FAM135A: variants seen among roughly 807,000 people sequenced by gnomAD.
FAM135A encodes family with sequence similarity 135 member A.
Under a neutral mutation model 146.8 loss-of-function variants are expected in FAM135A, and 79 were observed. The observed-to-expected ratio is 0.54, with a 90% CI of 0.45 to 0.65. FAM135A has a LOEUF of 0.65. FAM135A is among the 30% of genes least tolerant of loss of function. The pLI, the probability that FAM135A is intolerant of heterozygous loss-of-function variation, is 0.00. For missense variants in FAM135A, 1,623 were observed against 1,758.2 expected (o/e 0.92, Z 1.38); for synonymous variants, 562 against 603.6 (o/e 0.93, Z 1.01).
intron 11 of FAM135A, among the ~76,000 whole-genome samples, chr6:70,494,085 A>G (rs1582530747): frequency 6.6e-6 from 1 of 151,686 alleles, no homozygotes; most frequent in East Asian, 1.9e-4. Flanking sequence ...GATGTTTTAA[A>G]CAAGTGTTTG....
intron 20 of FAM135A, among the ~76,000 whole-genome samples, chr6:70,555,792 CT>C (rs1261689812): frequency 6.6e-6 from 1 of 151,798 alleles, no homozygotes; most frequent in South Asian, 2.1e-4. Context: ...GTTCAATTAA[CT>C]TCTATAATAG....
intron 20 of FAM135A, among the ~76,000 whole-genome samples, chr6:70,545,336 G>A (rs1798667897): frequency 6.6e-6 from 1 of 152,056 alleles, no homozygotes; most frequent in Admixed American, 6.6e-5. Context: ...TTTCTGGCTG[G>A]GCACGGTGGC....
chr6:70,490,885 AAT>A (rs1398832746), intron 10 of FAM135A, 147 bp from the exon 11 acceptor site: 6 of 458,594 alleles, frequency 1.3e-5, no homozygotes, highest in South Asian at 5.6e-5. Context: ...CTATGTAATT[AAT>A]ATGTTTATGA....
intron 12 of FAM135A, 115 bp downstream of exon 12, chr6:70,502,906 C>A: frequency 9.3e-7 from 1 of 1,072,192 alleles, no homozygotes; most frequent in Admixed American, 2.5e-5. Context: ...AGAAAAGAGA[C>A]ATTTGTCATA....
chr6:70,499,678 A>G (rs903093033), intron 11 of FAM135A, among the ~76,000 whole-genome samples: 2 of 151,962 alleles, frequency 1.3e-5, no homozygotes, highest in Non-Finnish European at 2.9e-5. Context: ...AGTCCTGGTG[A>G]CAAAATCCCT....
chr6:70,524,534 A>AC lies in FAM135A; in HGVS notation c.1450_1451insC (p.Asn484ThrfsTer2). ...GCTAACAAAATCTCTAAAAGGAAAG[A>AC]ATGAAGAATCAAATAAATCCAAAGT... is the stretch of plus-strand genomic sequence containing the variant. On this transcript the variant is annotated frameshift_variant, in exon 15 of 22. Coordinates refer to ENST00000418814, the MANE Select transcript of FAM135A (RefSeq NM_001162529.3). LOFTEE classifies it high-confidence loss of function. 6.4e-7 allele frequency: 1 copy of AC among 1,550,780 alleles called. No homozygotes were observed. Among genetic ancestry groups the AC allele is most frequent in the Non-Finnish European group, 8.7e-7 (1 of 1,146,640 alleles).
In FAM135A at chr6:70,510,156, A is replaced by G. The variant is rs189832819; in HGVS notation, c.1029+7365A>G. ...TTGGTCTAATAGCTAGGAAATCAAAACGTTTATTGACAGCACCACCGAAGT... is the reference window on the plus strand; with the variant it reads ...TTGGTCTAATAGCTAGGAAATCAAAGCGTTTATTGACAGCACCACCGAAGT... On this transcript the variant is annotated intron_variant, in intron 12 of 21. Transcript: ENST00000418814. Among the ~76,000 whole-genome samples the G allele has an allele frequency of 4.0e-5, 6 of 150,652 alleles. No homozygotes were observed. The Admixed American group carries it at 4.0e-4, about 10-fold the overall frequency.
At chr6:70,555,395 G>A (rs1800641151) in intron 20 of FAM135A, among the ~76,000 whole-genome samples, 1 of 152,104 alleles carries the variant, frequency 6.6e-6, no homozygotes, top group Non-Finnish European at 1.5e-5. Context: ...CCTCCTGAGT[G>A]AGACTACAGT....
rs1341610806 is a variant in FAM135A at position 70,524,976 on chromosome 6, A to G, written c.1892A>G (p.Glu631Gly). Residue 631 changes from glutamate (E) to glycine (G), a missense_variant, in exon 15 of 22, where the codon GAA becomes GGA. Physicochemically the swap from Glu to Gly is moderately conservative, Grantham distance 98. Transcript: ENST00000418814. ...GACGATAGTGAAATTACACAAATGG[A>G]ACACAATCTGGCATCCAGAAGGTCA... ...SQDDSEITQM[E>G]HNLASRRSSD... 2 of 1,603,884 alleles carry G rather than the reference A, an allele frequency of 1.2e-6. No individual in the cohort carries two copies. The highest frequency in any genetic ancestry group is 1.7e-5 in the Admixed American group (1 of 58,404).
chr6:70,429,867 G>T (rs1246527851), intron 4 of FAM135A, among the ~76,000 whole-genome samples: 1 of 151,734 alleles, frequency 6.6e-6, no homozygotes, highest in Admixed American at 6.6e-5. Flanking sequence ...GTGGCAGTGG[G>T]ACTAACAGAA....
intron 4 of FAM135A, among the ~76,000 whole-genome samples, chr6:70,445,127 G>A (rs1178614712): frequency 1.3e-5 from 2 of 151,700 alleles, no homozygotes; most frequent in African/African-American, 4.9e-5. Context: ...ACAAGGGTGG[G>A]AATACATAAA....
chr6:70,433,049 C>G (rs937158470), intron 4 of FAM135A, among the ~76,000 whole-genome samples: 2 of 150,446 alleles, frequency 1.3e-5, no homozygotes, highest in Admixed American at 1.3e-4. Context: ...CTAGGATGTC[C>G]GTATAATTTA....
intron 5 of FAM135A, among the ~76,000 whole-genome samples, chr6:70,474,564 C>T (rs1271419308): frequency 6.6e-6 from 1 of 152,168 alleles, no homozygotes; most frequent in Non-Finnish European, 1.5e-5. Flanking sequence ...TAGTGCTGTA[C>T]TTATTATTAC....
Position 70,526,587 on chromosome 6 carries a change from ATTC to A in FAM135A, c.3507_3509del (p.Ser1170del). The stretch of plus-strand genomic sequence containing the variant: ...CGAGAGTCTCCTTGTAATGTTAAAT[ATTC>A]TTCCAAAAGTAAATTTGATGCCATT... On this transcript the variant is annotated inframe_deletion, in exon 15 of 22. Transcript: ENST00000418814. 1.9e-6 allele frequency: 3 copies of A among 1,613,620 alleles called. No individual in the cohort carries two copies. The highest frequency in any genetic ancestry group is 1.7e-6 in the Non-Finnish European group (2 of 1,179,670).
intron 12 of FAM135A, among the ~76,000 whole-genome samples, chr6:70,522,103 G>T (rs901697181): frequency 6.6e-6 from 1 of 152,076 alleles, no homozygotes; most frequent in Non-Finnish European, 1.5e-5. Flanking sequence ...TTTTAGTAGA[G>T]ACAGGGTTTC....
At chr6:70,485,431 ATATTCTAAAC>A (rs1784428323) in intron 10 of FAM135A, among the ~76,000 whole-genome samples, 1 of 152,164 alleles carries the variant, frequency 6.6e-6, no homozygotes, top group Non-Finnish European at 1.5e-5. Flanking sequence ...TATTTGTTAC[ATATTCTAAAC>A]TATCAATGTC....
rs944863418 is a variant in FAM135A, at chr6:70,513,098, A to G, written c.1030-9415A>G. 7.3e-5 allele frequency among the ~76,000 whole-genome samples: 11 copies of G among 151,712 alleles called. No homozygotes were observed. In the South Asian group the frequency reaches 1.7e-3, roughly 23 times the overall value. On this transcript the variant is annotated intron_variant, in intron 12 of 21. Transcript: ENST00000418814. Reference sequence around the variant, plus strand: ...TCAATTGACTAATAAGCATGAGTCTATTTCTTGACCTTTTTTCCTGTTGCA... The same window carrying G: ...TCAATTGACTAATAAGCATGAGTCTGTTTCTTGACCTTTTTTCCTGTTGCA...
At chr6:70,545,170 T>G (rs1798634821) in intron 20 of FAM135A, among the ~76,000 whole-genome samples, 1 of 152,164 alleles carries the variant, frequency 6.6e-6, no homozygotes, top group Admixed American at 6.5e-5. Context: ...TAACAGAACT[T>G]TTATCTAAAT....
At position 70,530,969 on chromosome 6, in the gene FAM135A, C is replaced by T. The variant is rs549570477; in HGVS notation, c.3776-2191C>T. ...ACATTAAACCAAAGAAAAATGGATC[C>T]CCTTTACAGAGTTTTTAAGATAAGA... is the stretch of plus-strand genomic sequence containing the variant. On this transcript the variant is annotated intron_variant, in intron 16 of 21. Coordinates refer to ENST00000418814, the MANE Select transcript of FAM135A (RefSeq NM_001162529.3). 9.9e-5 allele frequency among the ~76,000 whole-genome samples: 15 copies of T among 152,120 alleles called. No individual in the cohort carries two copies. In the South Asian group the frequency reaches 2.9e-3, roughly 29 times the overall value.
Sources: gnomAD v4.1 joint callset for allele counts (sites outside exome capture counted in the v4.1 genomes callset) on GRCh38, gnomAD v4.1.1 for gene constraint, MANE v1.5 for transcripts, NCBI Gene and HGNC (gene_info 2026-07-23, HGNC 2026-07-21) for gene names.